C1QTNF1: variants seen among roughly 807,000 people sequenced by gnomAD.
C1QTNF1 encodes complement C1q tumor necrosis factor-related protein 1.
A neutral mutation model predicts 27.8 loss-of-function variants in C1QTNF1; 22 were observed. The observed-to-expected ratio is 0.79, with a 90% CI of 0.56 to 1.13. C1QTNF1 has a LOEUF of 1.13. C1QTNF1 is among the 50% of genes most tolerant of loss of function. The probability of loss-of-function intolerance (pLI) is 0.00; values close to 1 mark genes in which losing one functional copy is unlikely to be tolerated. For missense variants in C1QTNF1, 373 were observed against 380.2 expected, an observed-to-expected ratio of 0.98 and a Z score of 0.16; for synonymous variants, 166 against 154.3, an observed-to-expected ratio of 1.08 and a Z score of -0.56.
chr17:79,033,355 G>C (rs903439510), intron 1 of C1QTNF1, among the ~76,000 whole-genome samples: 2 of 152,150 alleles, frequency 1.3e-5, no homozygotes, highest in Admixed American at 1.3e-4. Context: ...TCAGCAGCCA[G>C]GTCAGTGGTG....
At chr17:79,025,894 TCATCATCACCATCATCA>T in intron 1 of C1QTNF1, 3 of 430,468 alleles carry the variant, frequency 7.0e-6, no homozygotes, top group Non-Finnish European at 1.4e-5. Flanking sequence ...ACCATCATCA[TCATCATCACCATCATCA>T]TCATCATCAT....
intron 1 of C1QTNF1, among the ~76,000 whole-genome samples, chr17:79,043,021 G>A (rs1018649259): frequency 2.0e-5 from 3 of 151,940 alleles, no homozygotes; most frequent in Non-Finnish European, 2.9e-5. Flanking sequence ...GTGCATGTGT[G>A]TGGATTGCAT....
chr17:79,042,032 G>A (rs950610328), intron 1 of C1QTNF1, among the ~76,000 whole-genome samples: 1 of 152,252 alleles, frequency 6.6e-6, no homozygotes, highest in Non-Finnish European at 1.5e-5. Context: ...TCAAGAAAGA[G>A]CTGGAGTCCA....
chr17:79,027,352 C>T (rs539454727), intron 1 of C1QTNF1: 1 of 152,412 alleles, frequency 6.6e-6, no homozygotes, highest in Admixed American at 6.5e-5. Flanking sequence ...CTCCCTGACC[C>T]CTTCATACAG....
chr17:79,039,358 G>A (rs2072341613), intron 1 of C1QTNF1, among the ~76,000 whole-genome samples: 1 of 152,110 alleles, frequency 6.6e-6, no homozygotes, highest in Non-Finnish European at 1.5e-5. Context: ...AACCTCAATG[G>A]TGCCAGGGTT....
chr17:79,044,355 C>T (rs985440725), intron 2 of C1QTNF1, among the ~76,000 whole-genome samples: 1 of 152,190 alleles, frequency 6.6e-6, no homozygotes, highest in Non-Finnish European at 1.5e-5. Context: ...TCACCACGAG[C>T]CTAAAGGAGT....
In C1QTNF1 at chr17:79,030,481, TTCTTTTTCTTTC is replaced by T. The variant is rs1218823384; in HGVS notation, c.-15+5989_-15+6000del. 2.5e-3 allele frequency among the ~76,000 whole-genome samples: 275 copies of T among 110,852 alleles called. 1 individual carries two copies. The highest frequency in any genetic ancestry group is 8.3e-3 in the African/African-American group (247 of 29,784). The allele number at this position is 110,852 out of a possible 152,430, so 72.7% of individuals were successfully genotyped here. A position where few individuals can be genotyped will look rare whatever the true frequency, so the allele number is the denominator to read the frequency against. On this transcript the variant is annotated intron_variant, in intron 1 of 3. Coordinates refer to ENST00000579760, the MANE Select transcript of C1QTNF1 (RefSeq NM_030968.5). ...TTCTTTTCTTTCTTTCTTTCTTTCTTTCTTTTTCTTTCTTTCTTTCTTTCTTTCTTTCTTTCT... is the reference window on the plus strand; with the variant it reads ...TTCTTTTCTTTCTTTCTTTCTTTCTTTTTCTTTCTTTCTTTCTTTCTTTCT...
rs1012985117 is a variant in C1QTNF1 at position 79,046,804 on chromosome 17, C to T, written c.295+110C>T. On this transcript the variant is annotated intron_variant, in intron 3 of 3. Transcript: ENST00000579760. This position sits in a 1 kb window ranked among gnomAD's most constrained non-coding sequence, Gnocchi z 4.8. ...CTAGGCGAGAGCAGAATGGCTCCCT[C>T]GGGACAGGGAGCAGAGGCAGGCAGG... 73 of 1,390,890 alleles carry T rather than the reference C, an allele frequency of 5.2e-5. No individual in the cohort carries two copies. In the Admixed American group the frequency reaches 1.2e-3, roughly 23 times the overall value. 86.2% of individuals were successfully genotyped at this position (1,390,890 alleles called of 1,614,324 possible).
intron 1 of C1QTNF1, among the ~76,000 whole-genome samples, chr17:79,029,114 A>C (rs1357281849): frequency 6.6e-6 from 1 of 152,142 alleles, no homozygotes; most frequent in African/African-American, 2.4e-5. Context: ...TTGAATGATG[A>C]ATGCAAGGGC....
intron 1 of C1QTNF1, among the ~76,000 whole-genome samples, chr17:79,028,592 G>A (rs2072039988): frequency 6.6e-6 from 1 of 152,206 alleles, no homozygotes; most frequent in African/African-American, 2.4e-5. Context: ...GGCATTCAGG[G>A]GAGCCCCCTC....
rs1019873873 is a variant in C1QTNF1 at position 79,048,423 on chromosome 17, A to C, written c.*335A>C. Reference sequence around the variant, plus strand: ...CGGCACCGCGGCTCCAGTCCTTGGAAATAATTAGGCAAATTCTAAAGGTCT... The same window carrying C: ...CGGCACCGCGGCTCCAGTCCTTGGACATAATTAGGCAAATTCTAAAGGTCT... On this transcript the variant is annotated 3_prime_UTR_variant, in exon 4 of 4. Transcript: ENST00000579760. The C allele has an allele frequency of 8.2e-5, 22 of 266,744 alleles. No homozygotes were observed. The highest frequency in any genetic ancestry group is 4.2e-4 in the African/African-American group (19 of 45,368). 16.5% of individuals were successfully genotyped at this position (266,744 alleles called of 1,614,324 possible). A position where few individuals can be genotyped will look rare whatever the true frequency, so the allele number is the denominator to read the frequency against.
chr17:79,045,283 C>T (rs759242358), intron 2 of C1QTNF1, among the ~76,000 whole-genome samples: 2 of 151,970 alleles, frequency 1.3e-5, no homozygotes, highest in Non-Finnish European at 1.5e-5. Context: ...ATGGTGAGAC[C>T]CAGTGCTGGA....
intron 1 of C1QTNF1, among the ~76,000 whole-genome samples, chr17:79,038,630 G>A (rs1037042470): frequency 2.6e-5 from 4 of 152,222 alleles, no homozygotes; most frequent in Middle Eastern, 3.2e-3. Context: ...ACTGGGCCAC[G>A]TGGATCTGGA....
At chr17:79,038,570 A>G (rs1477519788) in intron 1 of C1QTNF1, among the ~76,000 whole-genome samples, 1 of 152,170 alleles carries the variant, frequency 6.6e-6, no homozygotes, top group African/African-American at 2.4e-5. Flanking sequence ...AAAGAGCTTG[A>G]GTCATGCTGG....
chr17:79,037,122 T>A (rs11868044), intron 1 of C1QTNF1, among the ~76,000 whole-genome samples: 28,196 of 151,558 alleles, frequency 0.19, 3,823 homozygotes, highest in African/African-American at 0.39. Flanking sequence ...TGCCCAGCTA[T>A]TTTTTTGTTT....
At chr17:79,045,470 G>A (rs1228628698) in intron 2 of C1QTNF1, among the ~76,000 whole-genome samples, 3 of 152,186 alleles carry the variant, frequency 2.0e-5, no homozygotes, top group South Asian at 2.1e-4. Flanking sequence ...GAGCTGGTGC[G>A]GGGAGGGGCA....
intron 1 of C1QTNF1, among the ~76,000 whole-genome samples, chr17:79,026,581 G>A (rs1305039778): frequency 6.6e-6 from 1 of 152,212 alleles, no homozygotes; most frequent in East Asian, 1.9e-4. Flanking sequence ...GAAGGACACA[G>A]GTCCGCTACC....
rs770872329 is a variant in C1QTNF1 at position 79,047,517 on chromosome 17, G to A, written c.296-21G>A. On this transcript the variant is annotated intron_variant, in intron 3 of 3. Coordinates refer to ENST00000579760, the MANE Select transcript of C1QTNF1 (RefSeq NM_030968.5). The stretch of plus-strand genomic sequence containing the variant: ...TACCGGATTGCTCCATTAACAGCAC[G>A]CGTTTTCCCATCCCTTTTAGGGGAG... The A allele has an allele frequency of 1.6e-5, 25 of 1,517,638 alleles. No homozygotes were observed. The Admixed American group carries it at 2.3e-4, about 14-fold the overall frequency. 94.0% of individuals were successfully genotyped at this position (1,517,638 alleles called of 1,614,324 possible). A position where few individuals can be genotyped will look rare whatever the true frequency, so the allele number is the denominator to read the frequency against.
Position 79,046,065 on chromosome 17 carries a change from G to A in C1QTNF1, c.156-490G>A, listed in dbSNP as rs187170000. On this transcript the variant is annotated intron_variant, in intron 2 of 3. Transcript: ENST00000579760. This position sits in a 1 kb window ranked among gnomAD's most constrained non-coding sequence, Gnocchi z 4.8. Reference sequence around the variant, plus strand: ...GAGGTGGCAGCCAGGAGCCGCCGCCGTCCATCCTGCCTGCGGGCTTGTCCT... The same window carrying A: ...GAGGTGGCAGCCAGGAGCCGCCGCCATCCATCCTGCCTGCGGGCTTGTCCT... 6.6e-5 allele frequency among the ~76,000 whole-genome samples: 10 copies of A among 152,316 alleles called. No homozygotes were observed. The highest frequency in any genetic ancestry group is 1.9e-4 in the East Asian group (1 of 5,172).
Sources: allele counts gnomAD v4.1 joint callset (sites outside exome capture counted in the v4.1 genomes callset), GRCh38; gene constraint gnomAD v4.1.1; non-coding constraint Gnocchi (gnomAD v3.1); transcripts MANE v1.5; gene names NCBI Gene and HGNC (gene_info 2026-07-23, HGNC 2026-07-21).